Variants in CACNA1D observed in about 807,000 individuals in gnomAD.
The protein encoded by CACNA1D is voltage-dependent L-type calcium channel subunit alpha-1D.
Under a neutral mutation model 257.1 loss-of-function variants are expected in CACNA1D, and 55 were observed. The observed-to-expected ratio is 0.21, with a 90% CI of 0.17 to 0.27. The LOEUF is 0.27. Ranked by LOEUF, CACNA1D falls within the 10% of genes least tolerant of loss-of-function variation. The probability of loss-of-function intolerance (pLI) is 1.00; values close to 1 mark genes in which losing one functional copy is unlikely to be tolerated. For synonymous variants in CACNA1D, 980 were observed against 1,014.9 expected, an observed-to-expected ratio of 0.97 and a Z score of 0.65; for missense variants, 1,876 against 2,784.0, an observed-to-expected ratio of 0.67 and a Z score of 7.34.
At position 53,789,964 on chromosome 3, in the gene CACNA1D, G is replaced by A. The variant is rs571078084; in HGVS notation, c.4923+3012G>A. 7.9e-5 allele frequency among the ~76,000 whole-genome samples: 12 copies of A among 152,292 alleles called. No homozygotes were observed. The highest frequency in any genetic ancestry group is 1.7e-4 in the African/African-American group (7 of 41,566). ...ATGTGTGGGAAGGAGCTCGGCATCCGGTGTCTTCTGGCCTCTGTGGTCTGA... is the reference window on the plus strand; with the variant it reads ...ATGTGTGGGAAGGAGCTCGGCATCCAGTGTCTTCTGGCCTCTGTGGTCTGA... On this transcript the variant is annotated intron_variant, in intron 40 of 47. Coordinates refer to ENST00000350061, the MANE Select transcript of CACNA1D (RefSeq NM_001128840.3). The surrounding 1 kb of genome is among the most constrained non-coding windows in gnomAD (Gnocchi z 4.2).
intron 20 of CACNA1D, 63 bp downstream of exon 20, chr3:53,735,566 G>A (rs983423383): frequency 8.2e-5 from 130 of 1,582,900 alleles, no homozygotes; most frequent in Middle Eastern, 1.7e-4. Flanking sequence ...AGAGGCCACT[G>A]TAGAGATGGG....
intron 3 of CACNA1D, among the ~76,000 whole-genome samples, chr3:53,510,267 G>T (rs2091053032): frequency 6.6e-6 from 1 of 152,146 alleles, no homozygotes; most frequent in African/African-American, 2.4e-5. Context: ...TATATCACCT[G>T]TGCATTTTGA....
rs184853363 is a variant in CACNA1D at position 53,571,852 on chromosome 3, G to A, written c.483+70132G>A. Among the ~76,000 whole-genome samples, 12 of 152,230 alleles carry A rather than the reference G, an allele frequency of 7.9e-5. No homozygotes were observed. In the East Asian group the frequency reaches 1.5e-3, roughly 20 times the overall value. On this transcript the variant is annotated intron_variant, in intron 3 of 47. Coordinates refer to ENST00000350061, the MANE Select transcript of CACNA1D (RefSeq NM_001128840.3). Reference sequence around the variant, plus strand: ...TGACTGTCCCAAGCTGTTCTGCTTCGGTAGGACAGTCCAAACCAGAACCAG... The same window carrying A: ...TGACTGTCCCAAGCTGTTCTGCTTCAGTAGGACAGTCCAAACCAGAACCAG...
intron 9 of CACNA1D, among the ~76,000 whole-genome samples, chr3:53,706,754 A>G (rs919401576): frequency 6.6e-6 from 1 of 152,086 alleles, no homozygotes; most frequent in Non-Finnish European, 1.5e-5. Flanking sequence ...GTAATTTCTC[A>G]TCCCTCATGC....
rs1161688078 is a variant in CACNA1D, at chr3:53,650,873, T to C, written c.578T>C (p.Val193Ala). The change falls in exon 4 of 48, where the codon GTT (valine) becomes GCT (alanine). Residue 193 changes from valine to alanine, a missense_variant. Physicochemically the swap from Val to Ala is moderately conservative, Grantham distance 64 (BLOSUM62 0). Coordinates refer to ENST00000350061, the MANE Select transcript of CACNA1D (RefSeq NM_001128840.3). Reference protein sequence around the residue: ...YGLLLHPNAYVRNGWNLLDFV... With the variant: ...YGLLLHPNAYARNGWNLLDFV... ...TTATTGCTACATCCTAATGCTTATG[T>C]TAGGAATGGATGGAATTTACTGGAT... 6.2e-7 allele frequency: 1 copy of C among 1,611,280 alleles called. No individual in the cohort carries two copies. Among genetic ancestry groups the C allele is most frequent in the South Asian group, 1.1e-5 (1 of 91,026 alleles).
chr3:53,637,079 T>G, intron 3 of CACNA1D, among the ~76,000 whole-genome samples: 1 of 152,222 alleles, frequency 6.6e-6, no homozygotes, highest in East Asian at 1.9e-4. Flanking sequence ...TCCTAAATAT[T>G]TAAAGTTTCA....
intron 37 of CACNA1D, 118 bp from the exon 38 acceptor site, chr3:53,779,908 T>C (rs775378003): frequency 1.0e-4 from 81 of 796,996 alleles, no homozygotes; most frequent in Non-Finnish European, 1.7e-4. Context: ...GGCTGTTGAA[T>C]GGAATTGAGG....
intron 32 of CACNA1D, among the ~76,000 whole-genome samples, chr3:53,772,211 C>A (rs911031171): frequency 1.3e-5 from 2 of 152,128 alleles, no homozygotes; most frequent in Non-Finnish European, 2.9e-5. Context: ...CCTTTTCTTC[C>A]CTGGCCCAGC....
chr3:53,497,417 C>G lies in CACNA1D; in HGVS notation c.333C>G (p.Leu111=). 1 of 1,614,194 alleles carries G rather than the reference C, an allele frequency of 6.2e-7. No homozygotes were observed. Among genetic ancestry groups the G allele is most frequent in the Non-Finnish European group, 8.5e-7 (1 of 1,180,044 alleles). Residue 111 remains leucine, a synonymous_variant, in exon 2 of 48, where the codon CTC becomes CTG. Coordinates refer to ENST00000350061, the MANE Select transcript of CACNA1D (RefSeq NM_001128840.3). ...CCCGCGCCCTTTTCTGTTTATCACT[C>G]AATAACCCCATCCGAAGAGCCTGCA... The part of the protein sequence containing the change: ...RPARALFCLS[L]NNPIRRACIS...
In CACNA1D at chr3:53,495,334, T is replaced by G. The variant is rs983327226; in HGVS notation, c.67+101T>G. On this transcript the variant is annotated intron_variant, in intron 1 of 47. Transcript: ENST00000350061. The surrounding 1 kb of genome is among the most constrained non-coding windows in gnomAD (Gnocchi z 5.1). ...GCGGCGCTGGATGGGTTGAGGGGGTTGGAGAGGGTGCTGCCAGCTCGGTGT... is the reference window on the plus strand; with the variant it reads ...GCGGCGCTGGATGGGTTGAGGGGGTGGGAGAGGGTGCTGCCAGCTCGGTGT... 8.5e-6 allele frequency: 12 copies of G among 1,407,608 alleles called. No homozygotes were observed. The Admixed American group carries it at 2.0e-4, about 24-fold the overall frequency. The allele number at this position is 1,407,608 out of a possible 1,614,324, so 87.2% of individuals were successfully genotyped here.
intron 3 of CACNA1D, among the ~76,000 whole-genome samples, chr3:53,533,269 G>T (rs1161768846): frequency 2.6e-5 from 4 of 152,200 alleles, no homozygotes; most frequent in Admixed American, 6.5e-5. Context: ...CATTTTGATA[G>T]TCTTATTGTT....
chr3:53,597,029 G>A (rs2093379368), intron 3 of CACNA1D, among the ~76,000 whole-genome samples: 5 of 152,158 alleles, frequency 3.3e-5, no homozygotes, highest in African/African-American at 7.2e-5. Flanking sequence ...TGCATTAAAT[G>A]TTTAAAAACA....
intron 3 of CACNA1D, among the ~76,000 whole-genome samples, chr3:53,602,655 G>A (rs761634538): frequency 1.3e-5 from 2 of 152,184 alleles, no homozygotes; most frequent in Non-Finnish European, 1.5e-5. Flanking sequence ...ATTTTAACTG[G>A]GGTGAGGTGG....
At chr3:53,600,445 G>T (rs989825712) in intron 3 of CACNA1D, among the ~76,000 whole-genome samples, 15 of 152,148 alleles carry the variant, frequency 9.9e-5, no homozygotes, top group African/African-American at 3.6e-4. Flanking sequence ...CCAGATTTCA[G>T]AGTGTATAAT....
At chr3:53,701,724 T>C (rs189636895) in intron 8 of CACNA1D, among the ~76,000 whole-genome samples, 299 of 152,358 alleles carry the variant, frequency 2.0e-3, no homozygotes, top group African/African-American at 6.9e-3. Context: ...GTTCCTCATA[T>C]ATAAAAATTG....
At chr3:53,709,679 T>C (rs796247166) in intron 9 of CACNA1D, among the ~76,000 whole-genome samples, 36 of 152,286 alleles carry the variant, frequency 2.4e-4, no homozygotes, top group African/African-American at 8.7e-4. Flanking sequence ...AGAGTGATCA[T>C]GGAATCATGG....
chr3:53,650,987 G>C, intron 4 of CACNA1D, 69 bp downstream of exon 4: 1 of 1,324,132 alleles, frequency 7.6e-7, no homozygotes, highest in Admixed American at 1.7e-5. Flanking sequence ...GGGGGTGGTG[G>C]TAACAAAACA....
In CACNA1D at chr3:53,718,326, G is replaced by A. The variant is rs1339739967; in HGVS notation, c.1416G>A (p.Glu472=). ...RNTSMPTSET[E]SVNTENVSGE... is the part of the protein sequence containing the mutation. ...CTAGCATGCCCACCAGCGAGACTGA[G>A]TCTGTGAACACAGAGAACGTCAGCG... Residue 472 remains glutamate, a synonymous_variant, in exon 10 of 48, where the codon GAG becomes GAA. Transcript: ENST00000350061. The A allele has an allele frequency of 6.2e-7, 1 of 1,614,056 alleles. No homozygotes were observed. The highest frequency in any genetic ancestry group is 1.7e-5 in the Admixed American group (1 of 60,016).
rs373802029 is a variant in CACNA1D at position 53,793,000 on chromosome 3, C to T, written c.4923+6048C>T. The stretch of plus-strand genomic sequence containing the variant: ...GGGCAGGTTTGACTGCTTCGTGCTG[C>T]ACCACATGGTGATGTGGGGGATGGG... On this transcript the variant is annotated intron_variant, in intron 40 of 47. Coordinates refer to ENST00000350061, the MANE Select transcript of CACNA1D (RefSeq NM_001128840.3). 6.6e-5 allele frequency among the ~76,000 whole-genome samples: 10 copies of T among 152,358 alleles called. No homozygotes were observed. The South Asian group carries it at 1.2e-3, about 19-fold the overall frequency.
Sources: gnomAD v4.1 joint callset for allele counts (sites outside exome capture counted in the v4.1 genomes callset) on GRCh38, gnomAD v4.1.1 for gene constraint, Gnocchi (gnomAD v3.1) non-coding constraint, MANE v1.5 for transcripts, NCBI Gene and HGNC (gene_info 2026-07-23, HGNC 2026-07-21) for gene names.